RALGPS1: variants seen among roughly 807,000 people sequenced by gnomAD.
RALGPS1 encodes the protein Ral GEF with PH domain and SH3 binding motif 1.
Under a neutral mutation model 78.8 loss-of-function variants are expected in RALGPS1, and 19 were observed. That is an observed-to-expected ratio of 0.24 (90% CI 0.17 to 0.35). The LOEUF (loss-of-function observed/expected upper bound fraction) is 0.35, where lower values mean the gene tolerates loss of function less well. RALGPS1 is among the 10% of genes least tolerant of loss of function. The pLI is 1.00. For synonymous variants in RALGPS1, 228 were observed against 256.3 expected (o/e 0.89, Z 1.06); for missense variants, 454 against 688.3 (o/e 0.66, Z 3.81).
intron 5 of RALGPS1, 69 bp downstream of exon 5, chr9:127,034,583 C>T (rs2046700196): frequency 7.1e-7 from 1 of 1,407,878 alleles, no homozygotes; most frequent in Non-Finnish European, 1.0e-6. Context: ...GGCTGCGAGC[C>T]CCCACCCAAA....
At chr9:127,006,840 G>A (rs1217674563) in intron 4 of RALGPS1, among the ~76,000 whole-genome samples, 1 of 151,822 alleles carries the variant, frequency 6.6e-6, no homozygotes, top group African/African-American at 2.4e-5. Flanking sequence ...CATACTTTGT[G>A]TTATAGTTTT....
At chr9:127,002,433 C>CT (rs11380006) in intron 4 of RALGPS1, among the ~76,000 whole-genome samples, 66,987 of 117,352 alleles carry the variant, frequency 0.57, 16,520 homozygotes, top group South Asian at 0.74. Flanking sequence ...CACAAACATT[C>CT]TTTTTTTTTT....
chr9:127,059,204 C>T (rs2048996577), intron 7 of RALGPS1, among the ~76,000 whole-genome samples: 1 of 152,194 alleles, frequency 6.6e-6, no homozygotes, highest in Non-Finnish European at 1.5e-5. Context: ...TGCAGTGCCT[C>T]AGTAGCCACC....
At chr9:127,098,659 G>T (rs1232613331) in intron 8 of RALGPS1, among the ~76,000 whole-genome samples, 1 of 152,194 alleles carries the variant, frequency 6.6e-6, no homozygotes, top group South Asian at 2.1e-4. Flanking sequence ...ATCAGCTTTG[G>T]GTGCTTCCTT....
chr9:126,929,082 A>G (rs183272167), intron 1 of RALGPS1, among the ~76,000 whole-genome samples: 1 of 152,330 alleles, frequency 6.6e-6, no homozygotes, highest in Non-Finnish European at 1.5e-5. Flanking sequence ...ATAAATGGTG[A>G]TGATAATGGT....
intron 12 of RALGPS1, 89 bp downstream of exon 12, chr9:127,195,306 G>C (rs1313882985): frequency 1.3e-6 from 2 of 1,519,174 alleles, no homozygotes; most frequent in African/African-American, 2.7e-5. Flanking sequence ...TGCTGGCTGG[G>C]TCCCTCCCCT....
At chr9:127,037,709 A>G (rs2046975917) in intron 5 of RALGPS1, among the ~76,000 whole-genome samples, 1 of 152,222 alleles carries the variant, frequency 6.6e-6, no homozygotes, top group African/African-American at 2.4e-5. Context: ...CTTGTATCAT[A>G]TTCCGAGGGC....
chr9:127,110,470 C>T (rs535564088), intron 8 of RALGPS1, among the ~76,000 whole-genome samples: 6 of 152,330 alleles, frequency 3.9e-5, no homozygotes, highest in African/African-American at 9.6e-5. Flanking sequence ...TTACCTTAGT[C>T]ATCTCATCCA....
chr9:127,031,923 G>T (rs1589121313), intron 4 of RALGPS1, among the ~76,000 whole-genome samples: 1 of 152,194 alleles, frequency 6.6e-6, no homozygotes, highest in East Asian at 1.9e-4. Context: ...ACTGGTTCTT[G>T]CCTGCATGAT....
At chr9:127,162,981 C>T (rs1363006874) in intron 8 of RALGPS1, among the ~76,000 whole-genome samples, 1 of 152,088 alleles carries the variant, frequency 6.6e-6, no homozygotes, top group Non-Finnish European at 1.5e-5. Flanking sequence ...TTTTCTCCTC[C>T]TACTTTCCAG....
chr9:127,174,479 A>G (rs1039771586), intron 10 of RALGPS1, among the ~76,000 whole-genome samples: 1 of 152,136 alleles, frequency 6.6e-6, no homozygotes, highest in Non-Finnish European at 1.5e-5. Context: ...CAGAGTGAAC[A>G]CATCTGTGCT....
chr9:127,140,474 C>A (rs1192446930), intron 8 of RALGPS1, among the ~76,000 whole-genome samples: 2 of 152,210 alleles, frequency 1.3e-5, no homozygotes, highest in Non-Finnish European at 2.9e-5. Flanking sequence ...TGCCTTGGTG[C>A]CCACCTGGGC....
chr9:127,060,788 G>A (rs528633072), intron 7 of RALGPS1, among the ~76,000 whole-genome samples: 3 of 152,190 alleles, frequency 2.0e-5, no homozygotes, highest in East Asian at 1.9e-4. Flanking sequence ...TCAACCCCTC[G>A]TCCACCTTGC....
chr9:127,060,442 T>C (rs966331289), intron 7 of RALGPS1, among the ~76,000 whole-genome samples: 1 of 152,198 alleles, frequency 6.6e-6, no homozygotes, highest in African/African-American at 2.4e-5. Flanking sequence ...GAGGATTAAA[T>C]GAGTAAATAC....
chr9:127,173,469 A>G (rs1210714833), intron 10 of RALGPS1, among the ~76,000 whole-genome samples: 3 of 152,126 alleles, frequency 2.0e-5, no homozygotes, highest in Admixed American at 2.0e-4. Flanking sequence ...TCATGGCTTT[A>G]AATTATGCCC....
chr9:127,039,358 T>C (rs2134879708), intron 5 of RALGPS1, among the ~76,000 whole-genome samples: 1 of 152,278 alleles, frequency 6.6e-6, no homozygotes, highest in Middle Eastern at 3.4e-3. Flanking sequence ...AAAAGAGTCC[T>C]TTGATTTTAG....
At chr9:127,132,402 C>T (rs539459501) in intron 8 of RALGPS1, among the ~76,000 whole-genome samples, 1 of 152,340 alleles carries the variant, frequency 6.6e-6, no homozygotes, top group South Asian at 2.1e-4. Flanking sequence ...ACCACCACAA[C>T]AAAACACCTG....
chr9:126,993,160 C>G (rs1421315323), intron 4 of RALGPS1, among the ~76,000 whole-genome samples: 1 of 152,106 alleles, frequency 6.6e-6, no homozygotes, highest in Non-Finnish European at 1.5e-5. Flanking sequence ...CAGTCTGTTA[C>G]TTTAGAGAAT....
In RALGPS1 at chr9:126,987,890, C is replaced by T. The variant is rs146033881; in HGVS notation, c.216+10145C>T. On this transcript the variant is annotated intron_variant, in intron 4 of 18. Transcript: ENST00000259351. ...GAAGTGTTCAGGGGTGGGGCGCTAG[C>T]GTATCAAGGAAAGAGTGAGGGTGAG... Among the ~76,000 whole-genome samples, 4 of 152,146 alleles carry T rather than the reference C, an allele frequency of 2.6e-5. No individual in the cohort carries two copies. The East Asian group carries it at 5.8e-4, about 22-fold the overall frequency.
Sources: gnomAD v4.1 joint callset for allele counts (sites outside exome capture counted in the v4.1 genomes callset) on GRCh38, gnomAD v4.1.1 for gene constraint, MANE v1.5 for transcripts, NCBI Gene and HGNC (gene_info 2026-07-23, HGNC 2026-07-21) for gene names.